The following PDGFRA variants were observed in gnomAD, a reference collection of about 807,000 sequenced individuals.
PDGFRA encodes platelet derived growth factor receptor alpha.
PDGFRA carries 25 observed loss-of-function variants against 121.5 expected under a neutral mutation model. That is an observed-to-expected ratio of 0.21 (90% confidence interval 0.15 to 0.29). PDGFRA has a LOEUF of 0.29. Ranked by LOEUF, PDGFRA falls within the 10% of genes least tolerant of loss-of-function variation. The pLI is 1.00. For synonymous variants in PDGFRA, 463 were observed against 494.8 expected (o/e 0.94, Z 0.85); for missense variants, 1,008 against 1,345.1 (o/e 0.75, Z 3.92).
intron 22 of PDGFRA, among the ~76,000 whole-genome samples, chr4:54,292,775 G>A (rs992783702): frequency 6.6e-6 from 1 of 152,042 alleles, no homozygotes; most frequent in Non-Finnish European, 1.5e-5. Flanking sequence ...ACTAATACGG[G>A]AACAGAAGAC....
intron 12 of PDGFRA, among the ~76,000 whole-genome samples, chr4:54,276,091 C>T (rs1723704583): frequency 6.6e-6 from 1 of 152,198 alleles, no homozygotes; most frequent in South Asian, 2.1e-4. Context: ...CACCAGCTGA[C>T]ACCACCCAGG....
chr4:54,244,439 C>G lies in PDGFRA; in HGVS notation c.-12-14318C>G, dbSNP rs995193655. 2.6e-5 allele frequency among the ~76,000 whole-genome samples: 4 copies of G among 152,216 alleles called. No individual in the cohort carries two copies. The East Asian group carries it at 7.7e-4, about 29-fold the overall frequency. On this transcript the variant is annotated intron_variant, in intron 1 of 22. Coordinates refer to ENST00000257290, the MANE Select transcript of PDGFRA (RefSeq NM_006206.6). Reference sequence around the variant, plus strand: ...ATCTGCTGTTCTGCCGCCACTGCTGCTGGTACCCAGGCAAACAGGGTCTGG... The same window carrying G: ...ATCTGCTGTTCTGCCGCCACTGCTGGTGGTACCCAGGCAAACAGGGTCTGG...
At chr4:54,260,397 G>GTTTTTTTTTTT (rs68009440) in intron 2 of PDGFRA, among the ~76,000 whole-genome samples, 6 of 64,562 alleles carry the variant, frequency 9.3e-5, no homozygotes, top group African/African-American at 4.1e-4. Flanking sequence ...TTCCATGTGG[G>GTTTTTTTTTTT]TTTTTTTTTT....
At chr4:54,290,245 G>C (rs961805803) in intron 21 of PDGFRA, 68 bp from the exon 22 acceptor site, 13 of 1,245,600 alleles carry the variant, frequency 1.0e-5, no homozygotes, top group Non-Finnish European at 1.5e-5. Context: ...TAAGTTCTGA[G>C]TGTCTCTATT....
intron 2 of PDGFRA, among the ~76,000 whole-genome samples, chr4:54,260,582 A>AT (rs1223426304): frequency 6.6e-6 from 1 of 150,584 alleles, no homozygotes; most frequent in Non-Finnish European, 1.5e-5. Context: ...TTATTTTTTT[A>AT]TTTTTTGTGG....
intron 16 of PDGFRA, chr4:54,281,791 G>C: frequency 7.6e-7 from 1 of 1,311,366 alleles, no homozygotes; most frequent in Non-Finnish European, 9.9e-7. Flanking sequence ...AAAACCCTGG[G>C]ACCCTTCCAG....
At chr4:54,287,750 G>A (rs954923496) in intron 19 of PDGFRA, among the ~76,000 whole-genome samples, 11 of 152,114 alleles carry the variant, frequency 7.2e-5, no homozygotes, top group Non-Finnish European at 8.8e-5. Flanking sequence ...TGGGGGTTGC[G>A]TCTTACTCCT....
intron 1 of PDGFRA, among the ~76,000 whole-genome samples, chr4:54,253,824 A>G (rs1178417785): frequency 1.3e-5 from 2 of 152,054 alleles, no homozygotes; most frequent in African/African-American, 2.4e-5. Flanking sequence ...AGCTGGAACT[A>G]CAGGAGTGTG....
chr4:54,231,111 C>G (rs1000958568), intron 1 of PDGFRA, among the ~76,000 whole-genome samples: 1 of 152,338 alleles, frequency 6.6e-6, no homozygotes, highest in East Asian at 1.9e-4. Flanking sequence ...CTCCCGCAGC[C>G]AGAGCGCCGG....
At chr4:54,283,908 C>G (rs1011910447) in intron 16 of PDGFRA, among the ~76,000 whole-genome samples, 1 of 152,172 alleles carries the variant, frequency 6.6e-6, no homozygotes, top group Non-Finnish European at 1.5e-5. Flanking sequence ...GCCTCTGCTT[C>G]TCTTTTAAAT....
chr4:54,282,432 A>G (rs1457012109), intron 16 of PDGFRA, among the ~76,000 whole-genome samples: 3 of 152,202 alleles, frequency 2.0e-5, no homozygotes, highest in Non-Finnish European at 2.9e-5. Flanking sequence ...GGTGCCACAC[A>G]CTTCTAAACA....
rs1298752760 is a variant in PDGFRA at position 54,297,909 on chromosome 4, G to T, written c.*2637G>T. 4.3e-6 allele frequency: 1 copy of T among 233,010 alleles called. No individual in the cohort carries two copies. Among genetic ancestry groups the T allele is most frequent in the Non-Finnish European group, 8.5e-6 (1 of 117,756 alleles). The allele number at this position is 233,010 out of a possible 1,614,324, so 14.4% of individuals were successfully genotyped here. On this transcript the variant is annotated 3_prime_UTR_variant, in exon 23 of 23. Coordinates refer to ENST00000257290, the MANE Select transcript of PDGFRA (RefSeq NM_006206.6). ...ATAAAATGATGTTATACATCAATAT[G>T]TATATATGTATTTCTATATAGACTT...
chr4:54,274,791 T>G, intron 11 of PDGFRA, 50 bp from the exon 12 acceptor site: 1 of 1,607,312 alleles, frequency 6.2e-7, no homozygotes, highest in South Asian at 1.1e-5. Flanking sequence ...GAAGCTCTGG[T>G]GCACTGGGAC....
intron 1 of PDGFRA, among the ~76,000 whole-genome samples, chr4:54,251,805 G>C (rs192349890): frequency 6.6e-6 from 1 of 152,124 alleles, no homozygotes; most frequent in African/African-American, 2.4e-5. Flanking sequence ...CTGGCTCAAG[G>C]CTTTAAGAAG....
intron 22 of PDGFRA, among the ~76,000 whole-genome samples, 186 bp downstream of exon 22, chr4:54,290,740 C>T (rs546668964): frequency 6.6e-6 from 1 of 152,310 alleles, no homozygotes; most frequent in Admixed American, 6.5e-5. Flanking sequence ...AATATGTTCC[C>T]CCTGGGGCTG....
At chr4:54,277,115 C>T (rs1420551267) in intron 12 of PDGFRA, 4 of 489,126 alleles carry the variant, frequency 8.2e-6, no homozygotes, top group East Asian at 3.9e-5. Context: ...AGCTGGTAGA[C>T]AGCGCGCTCA....
chr4:54,250,614 C>T (rs555500738), intron 1 of PDGFRA, among the ~76,000 whole-genome samples: 122 of 152,300 alleles, frequency 8.0e-4, no homozygotes, highest in African/African-American at 2.6e-3. Context: ...ACAGAGTTAA[C>T]CAAATTTCTT....
rs771996287 is a variant in PDGFRA, at chr4:54,281,657, AC to A, written c.2323+1177del. 2.9e-5 allele frequency: 40 copies of A among 1,361,166 alleles called. No individual in the cohort carries two copies. The highest frequency in any genetic ancestry group is 2.7e-4 in the South Asian group (22 of 81,626). 84.3% of individuals were successfully genotyped at this position (1,361,166 alleles called of 1,614,324 possible). ...AGGCCCAAGCCCTGTTGGCAGGCAG[AC>A]CACTGCTTTCTGGCCTTCCGTGACT... On this transcript the variant is annotated intron_variant, in intron 16 of 22. Transcript: ENST00000257290.
rs772353312 is a variant in PDGFRA, at chr4:54,296,282, G to A, written c.*1010G>A. ...AGTCCTAAAAGTTCTCAATGTAGAG[G>A]CATAAACCTGTGCTGAACATAACTT... is the stretch of plus-strand genomic sequence containing the variant. On this transcript the variant is annotated 3_prime_UTR_variant, in exon 23 of 23. Transcript: ENST00000257290. 11 of 232,340 alleles carry A rather than the reference G, an allele frequency of 4.7e-5. No individual in the cohort carries two copies. The highest frequency in any genetic ancestry group is 7.6e-5 in the Non-Finnish European group (9 of 117,794). 14.4% of individuals were successfully genotyped at this position (232,340 alleles called of 1,614,324 possible).
Sources: allele counts gnomAD v4.1 joint callset (sites outside exome capture counted in the v4.1 genomes callset), GRCh38; gene constraint gnomAD v4.1.1; transcripts MANE v1.5; gene names NCBI Gene and HGNC (gene_info 2026-07-23, HGNC 2026-07-21).